XIRP2: variants seen among roughly 807,000 people sequenced by gnomAD.
XIRP2 encodes the protein xin actin-binding repeat-containing protein 2.
In XIRP2, 236 loss-of-function variants were observed where a neutral mutation model predicts 277.0. The observed-to-expected ratio is 0.85, with a 90% CI of 0.77 to 0.95. The LOEUF is 0.95. Ranked by LOEUF, XIRP2 falls within the 40% of genes least tolerant of loss-of-function variation. XIRP2 has a pLI of 0.00. For synonymous variants in XIRP2, 1,490 were observed against 1,416.5 expected, an observed-to-expected ratio of 1.05 and a Z score of -1.17; for missense variants, 4,640 against 4,157.5, an observed-to-expected ratio of 1.12 and a Z score of -3.19.
intron 2 of XIRP2, among the ~76,000 whole-genome samples, chr2:167,111,644 T>C (rs1240176071): frequency 7.3e-6 from 1 of 136,552 alleles, no homozygotes; most frequent in African/African-American, 3.4e-5. Context: ...TTTTTTCTTA[T>C]TTCTCTGCCA....
At chr2:167,157,801 G>A (rs1187945545) in intron 3 of XIRP2, among the ~76,000 whole-genome samples, 1 of 152,090 alleles carries the variant, frequency 6.6e-6, no homozygotes, top group Non-Finnish European at 1.5e-5. Context: ...AAGTGTATGA[G>A]TATACAAGCC....
At chr2:167,118,162 C>T (rs977978312) in intron 2 of XIRP2, among the ~76,000 whole-genome samples, 4 of 152,094 alleles carry the variant, frequency 2.6e-5, no homozygotes, top group Admixed American at 6.6e-5. Flanking sequence ...AAGGCCACCA[C>T]CTTTATGAAT....
intron 3 of XIRP2, among the ~76,000 whole-genome samples, chr2:167,144,910 T>G (rs1185862391): frequency 6.6e-6 from 1 of 152,202 alleles, no homozygotes; most frequent in Non-Finnish European, 1.5e-5. Flanking sequence ...ATGGTCATAC[T>G]TTTTAACTAA....
intron 1 of XIRP2, among the ~76,000 whole-genome samples, chr2:166,891,821 G>A (rs373572077): frequency 1.3e-5 from 2 of 152,106 alleles, no homozygotes; most frequent in East Asian, 1.9e-4. Context: ...ATAATCCTTG[G>A]GATTCTTACC....
At chr2:167,029,255 G>A (rs1688258566) in intron 2 of XIRP2, among the ~76,000 whole-genome samples, 1 of 152,090 alleles carries the variant, frequency 6.6e-6, no homozygotes, top group Non-Finnish European at 1.5e-5. Context: ...TTTAACAGGT[G>A]TGGTGAGAGA....
intron 2 of XIRP2, among the ~76,000 whole-genome samples, chr2:167,034,925 G>C (rs1558956906): frequency 6.6e-6 from 1 of 152,172 alleles, no homozygotes; most frequent in Non-Finnish European, 1.5e-5. Context: ...AATCATAGGA[G>C]CCAGTCTTTC....
chr2:167,171,904 T>C (rs1289891289), intron 3 of XIRP2, among the ~76,000 whole-genome samples: 1 of 152,204 alleles, frequency 6.6e-6, no homozygotes, highest in South Asian at 2.1e-4. Context: ...TCATGACACA[T>C]GTTTTAAATG....
intron 3 of XIRP2, among the ~76,000 whole-genome samples, chr2:167,171,614 C>T (rs540325277): frequency 4.6e-5 from 7 of 152,152 alleles, no homozygotes; most frequent in East Asian, 3.9e-4. Flanking sequence ...ACATATTCAC[C>T]GATATTAGTC....
intron 3 of XIRP2, among the ~76,000 whole-genome samples, chr2:167,160,626 A>C (rs1383964032): frequency 6.6e-6 from 1 of 152,154 alleles, no homozygotes; most frequent in East Asian, 1.9e-4. Context: ...TATCATGAGA[A>C]CAGCATTGGA....
intron 2 of XIRP2, among the ~76,000 whole-genome samples, chr2:166,918,434 G>A (rs1194429155): frequency 3.3e-5 from 5 of 151,918 alleles, no homozygotes; most frequent in East Asian, 1.9e-4. Flanking sequence ...GAAGATTCTC[G>A]AAAAGAAAAT....
Position 167,253,905 on chromosome 2 carries a change from G to A in XIRP2, c.10556-127G>A. 2.8e-6 allele frequency: 3 copies of A among 1,067,542 alleles called. No individual in the cohort carries two copies. In the East Asian group the frequency reaches 7.8e-5, roughly 28 times the overall value. The allele number at this position is 1,067,542 out of a possible 1,614,324, so 66.1% of individuals were successfully genotyped here. On this transcript the variant is annotated intron_variant, in intron 9 of 10. Coordinates refer to ENST00000409195, the MANE Select transcript of XIRP2 (RefSeq NM_152381.6). ...GTCTCTGTCCAGAGAAACATCATAA[G>A]GACAGTAGTCTTAGAGCTTTTCTAC...
At chr2:167,018,875 C>T (rs1687907662) in intron 2 of XIRP2, among the ~76,000 whole-genome samples, 2 of 152,028 alleles carry the variant, frequency 1.3e-5, no homozygotes, top group Non-Finnish European at 2.9e-5. Flanking sequence ...TTTAGTCTGT[C>T]CCCCAGGATC....
At chr2:167,023,859 C>A (rs1322831646) in intron 2 of XIRP2, among the ~76,000 whole-genome samples, 1 of 152,024 alleles carries the variant, frequency 6.6e-6, no homozygotes, top group African/African-American at 2.4e-5. Flanking sequence ...GTTACTGTAG[C>A]CTTGTAGTAT....
chr2:167,205,799 C>T (rs1270548225), intron 3 of XIRP2, among the ~76,000 whole-genome samples: 1 of 152,126 alleles, frequency 6.6e-6, no homozygotes, highest in African/African-American at 2.4e-5. Flanking sequence ...AGTTTGACCT[C>T]TGATTATTTC....
intron 3 of XIRP2, among the ~76,000 whole-genome samples, chr2:167,175,190 C>A (rs753101061): frequency 3.9e-5 from 6 of 152,082 alleles, no homozygotes; most frequent in Non-Finnish European, 8.8e-5. Flanking sequence ...GTGCTAAATT[C>A]TCCCACTATT....
intron 2 of XIRP2, among the ~76,000 whole-genome samples, chr2:167,026,776 G>A (rs867868726): frequency 1.8e-4 from 27 of 151,830 alleles, no homozygotes; most frequent in East Asian, 7.8e-4. Context: ...AATGTTGAAT[G>A]TTGGCCCCCA....
chr2:166,924,525 A>G (rs533434831), intron 2 of XIRP2, among the ~76,000 whole-genome samples: 10 of 151,762 alleles, frequency 6.6e-5, no homozygotes, highest in South Asian at 2.1e-4. Context: ...AAATATATGT[A>G]TATTTATTCT....
At chr2:167,086,453 G>A (rs1268871996) in intron 2 of XIRP2, among the ~76,000 whole-genome samples, 1 of 151,844 alleles carries the variant, frequency 6.6e-6, no homozygotes, top group East Asian at 1.9e-4. Context: ...GTATCTTTGT[G>A]GCGTTCTCTG....
At chr2:167,239,687 G>A (rs561340283) in intron 5 of XIRP2, among the ~76,000 whole-genome samples, 168 bp from the exon 6 acceptor site, 4 of 152,312 alleles carry the variant, frequency 2.6e-5, no homozygotes, top group East Asian at 1.9e-4. Flanking sequence ...CTAAGATTAT[G>A]CCATTTTAAG....
Sources: gnomAD v4.1 joint callset for allele counts (sites outside exome capture counted in the v4.1 genomes callset) on GRCh38, gnomAD v4.1.1 for gene constraint, MANE v1.5 for transcripts, NCBI Gene and HGNC (gene_info 2026-07-23, HGNC 2026-07-21) for gene names.